The following GLYR1 variants were observed in gnomAD, a reference collection of about 807,000 sequenced individuals.
The protein encoded by GLYR1 is glyoxylate reductase 1 homolog.
GLYR1 carries 21 observed loss-of-function variants against 72.7 expected under a neutral mutation model. The observed-to-expected ratio is 0.29, with a 90% CI of 0.20 to 0.42. The LOEUF (loss-of-function observed/expected upper bound fraction) is 0.42. Among genes scored for constraint, GLYR1 ranks in the 10% least tolerant of loss-of-function variants. The pLI, the probability that GLYR1 is intolerant of heterozygous loss-of-function variation, is 1.00. For missense variants in GLYR1, 594 were observed against 712.1 expected (o/e 0.83, Z 1.89); for synonymous variants, 392 against 270.2 (o/e 1.45, Z -4.42).
At chr16:4,844,080 C>G (rs1464194494) in intron 3 of GLYR1, among the ~76,000 whole-genome samples, 2 of 146,376 alleles carry the variant, frequency 1.4e-5, no homozygotes, top group East Asian at 2.0e-4. Flanking sequence ...TGCCACTGCA[C>G]TCCAGCCTGG....
chr16:4,839,108 A>C (rs1390016460), intron 3 of GLYR1: 1 of 152,436 alleles, frequency 6.6e-6, no homozygotes, highest in Admixed American at 6.5e-5. Context: ...GAAGCCGTGA[A>C]GCTAAGAGAA....
intron 5 of GLYR1, among the ~76,000 whole-genome samples, chr16:4,828,419 C>A (rs554822589): frequency 6.6e-6 from 1 of 152,222 alleles, no homozygotes; most frequent in South Asian, 2.1e-4. Context: ...ACTTAATAGA[C>A]TACAGTATAA....
At position 4,813,754 on chromosome 16, in the gene GLYR1, C is replaced by T. The variant is rs200059061; in HGVS notation, c.1102G>A (p.Val368Ile). 3.4e-5 allele frequency: 54 copies of T among 1,607,312 alleles called. No homozygotes were observed. Among genetic ancestry groups the T allele is most frequent in the Non-Finnish European group, 4.2e-5 (49 of 1,176,976 alleles). The change falls in exon 12 of 16, where the codon GTC becomes ATC. Residue 368 changes from valine (V) to isoleucine (I), a missense_variant. Transcript: ENST00000321919. Reference sequence around the variant, plus strand: ...GCTGCTACCTGGGCCAGCTCAGTGACGGTGTCAGCGTCCACTGTTGACATG... The same window carrying T: ...GCTGCTACCTGGGCCAGCTCAGTGATGGTGTCAGCGTCCACTGTTGACATG... ...VDMSTVDADT[V>I]TELAQVIVSR...
In GLYR1 at chr16:4,811,963, G is replaced by A. The variant is rs1452729556; in HGVS notation, c.1282+123C>T. The A allele has an allele frequency of 4.9e-6, 7 of 1,441,830 alleles. No individual in the cohort carries two copies. The Admixed American group carries it at 1.5e-4, about 31-fold the overall frequency. 89.3% of individuals were successfully genotyped at this position (1,441,830 alleles called of 1,614,324 possible). ...CCTCCTTCCACGCACTGACTATGCAGGTGAAAGGAAACCTTCCCCAGGGTC... is the reference window on the plus strand; with the variant it reads ...CCTCCTTCCACGCACTGACTATGCAAGTGAAAGGAAACCTTCCCCAGGGTC... On this transcript the variant is annotated intron_variant, in intron 13 of 15. Coordinates refer to ENST00000321919, the MANE Select transcript of GLYR1 (RefSeq NM_032569.4).
chr16:4,805,212 G>A lies in GLYR1; in HGVS notation c.*24C>T, dbSNP rs748031411. 6.2e-7 allele frequency: 1 copy of A among 1,608,128 alleles called. No individual in the cohort carries two copies. The highest frequency in any genetic ancestry group is 8.5e-7 in the Non-Finnish European group (1 of 1,175,104). On this transcript the variant is annotated 3_prime_UTR_variant, in exon 16 of 16. Transcript: ENST00000321919. ...GAGGGGGTCAGAGGGGGGATTGGAG[G>A]GGTGAGGGCGGGGTGTCGACAGCTT...
chr16:4,835,561 T>C (rs1358260722), intron 3 of GLYR1, among the ~76,000 whole-genome samples: 2 of 152,210 alleles, frequency 1.3e-5, no homozygotes, highest in Non-Finnish European at 2.9e-5. Context: ...CTGGGCACGG[T>C]GGCTCACACC....
chr16:4,833,483 C>G (rs1319283603), intron 3 of GLYR1, among the ~76,000 whole-genome samples: 1 of 152,028 alleles, frequency 6.6e-6, no homozygotes, highest in Non-Finnish European at 1.5e-5. Context: ...ATTTGTGGTT[C>G]CTATGGATAT....
At chr16:4,824,371 G>A (rs2084241660) in intron 5 of GLYR1, among the ~76,000 whole-genome samples, 1 of 151,712 alleles carries the variant, frequency 6.6e-6, no homozygotes, top group Non-Finnish European at 1.5e-5. Context: ...AAAATTAGCT[G>A]CACCTGTACT....
At chr16:4,823,573 ATAGG>A (rs1567720109) in intron 6 of GLYR1, among the ~76,000 whole-genome samples, 2 of 152,196 alleles carry the variant, frequency 1.3e-5, no homozygotes, top group Admixed American at 6.5e-5. Flanking sequence ...AAAACTAGAC[ATAGG>A]TCTATAATCA....
rs1384063544 is a variant in GLYR1, at chr16:4,805,043, A to T, written c.*193T>A. On this transcript the variant is annotated 3_prime_UTR_variant, in exon 16 of 16. Transcript: ENST00000321919. ...TTTCCCACACGCCAATCCTGCTGACACTTGTCCCCTCCCCACCGGCCTCAG... is the reference window on the plus strand; with the variant it reads ...TTTCCCACACGCCAATCCTGCTGACTCTTGTCCCCTCCCCACCGGCCTCAG... 8.2e-6 allele frequency: 5 copies of T among 610,288 alleles called. No individual in the cohort carries two copies. Among genetic ancestry groups the T allele is most frequent in the Non-Finnish European group, 3.0e-6 (1 of 338,976 alleles). The allele number at this position is 610,288 out of a possible 1,614,324, so 37.8% of individuals were successfully genotyped here. A position where few individuals can be genotyped will look rare whatever the true frequency, so the allele number is the denominator to read the frequency against.
In GLYR1 at chr16:4,809,210, G is replaced by A. The variant is rs549694400; in HGVS notation, c.1587+1960C>T. On this transcript the variant is annotated intron_variant, in intron 15 of 15. Coordinates refer to ENST00000321919, the MANE Select transcript of GLYR1 (RefSeq NM_032569.4). ...TTCGTTTTTTTTTTTTTTTTTTTGC[G>A]ATGGAGTCTCACTCTGTTGCCCAGG... Among the ~76,000 whole-genome samples, 572 of 115,106 alleles carry A rather than the reference G, an allele frequency of 5.0e-3. 2 individuals are homozygous for A. Among genetic ancestry groups the A allele is most frequent in the African/African-American group, 0.019 (543 of 28,004 alleles). 75.5% of individuals were successfully genotyped at this position (115,106 alleles called of 152,430 possible).
At chr16:4,808,103 G>T (rs1006840627) in intron 15 of GLYR1, among the ~76,000 whole-genome samples, 6 of 152,118 alleles carry the variant, frequency 3.9e-5, no homozygotes, top group African/African-American at 1.4e-4. Context: ...AAGTGTGGCG[G>T]TGCATGCCTG....
At chr16:4,814,976 A>G (rs531069928) in intron 10 of GLYR1, among the ~76,000 whole-genome samples, 6 of 152,212 alleles carry the variant, frequency 3.9e-5, no homozygotes, top group Non-Finnish European at 8.8e-5. Context: ...GCCCTGAGCT[A>G]TCAACACTCT....
intron 5 of GLYR1, among the ~76,000 whole-genome samples, chr16:4,824,935 G>A (rs149116252): frequency 4.6e-5 from 7 of 152,234 alleles, no homozygotes; most frequent in Admixed American, 2.6e-4. Flanking sequence ...CTACTAGGCC[G>A]ATATCTTTAG....
chr16:4,826,170 C>T (rs1035098301), intron 5 of GLYR1, among the ~76,000 whole-genome samples: 1 of 152,120 alleles, frequency 6.6e-6, no homozygotes, highest in Non-Finnish European at 1.5e-5. Flanking sequence ...ACCTCAGCCT[C>T]CTGGGTAGCT....
rs988422196 is a variant in GLYR1 at position 4,817,819 on chromosome 16, A to G, written c.807-122T>C. On this transcript the variant is annotated intron_variant, in intron 9 of 15. Transcript: ENST00000321919. ...GGGGTAGGGGAATTCAGACTGCCAG[A>G]AACAGCAGTGGCCAATCTACCTGCA... 6 of 688,538 alleles carry G rather than the reference A, an allele frequency of 8.7e-6. No individual in the cohort carries two copies. In the African/African-American group the frequency reaches 8.8e-5, roughly 10 times the overall value. 42.7% of individuals were successfully genotyped at this position (688,538 alleles called of 1,614,324 possible). A position where few individuals can be genotyped will look rare whatever the true frequency, so the allele number is the denominator to read the frequency against.
In GLYR1 at chr16:4,823,909, TATAG is replaced by T. The variant is rs1481785480; in HGVS notation, c.538-6_538-3del. The T allele has an allele frequency of 3.1e-6, 5 of 1,612,584 alleles. No homozygotes were observed. Among genetic ancestry groups the T allele is most frequent in the Non-Finnish European group, 4.2e-6 (5 of 1,178,860 alleles). ...ACTAGACTCCGGGATGGTGAGATCC[TATAG>T]AGGGAGGGGCAGGGCATTTTAAAAT... On this transcript the variant is annotated splice_polypyrimidine_tract_variant and splice_region_variant and intron_variant, in intron 5 of 15. Coordinates refer to ENST00000321919, the MANE Select transcript of GLYR1 (RefSeq NM_032569.4).
Position 4,832,714 on chromosome 16 carries a change from A to G in GLYR1, c.294+60T>C. On this transcript the variant is annotated intron_variant, in intron 4 of 15. Coordinates refer to ENST00000321919, the MANE Select transcript of GLYR1 (RefSeq NM_032569.4). The stretch of plus-strand genomic sequence containing the variant: ...GCGTTTGGGTGACATTTAATCTGTT[A>G]GTTGCTATGCAAAAATCACCAGTCT... 4 of 1,531,792 alleles carry G rather than the reference A, an allele frequency of 2.6e-6. No homozygotes were observed. The South Asian group carries it at 3.8e-5, about 14-fold the overall frequency. The allele number at this position is 1,531,792 out of a possible 1,614,324, so 94.9% of individuals were successfully genotyped here.
At chr16:4,809,284 A>G (rs1430217778) in intron 15 of GLYR1, among the ~76,000 whole-genome samples, 1 of 138,018 alleles carries the variant, frequency 7.2e-6, no homozygotes, top group Non-Finnish European at 1.5e-5. Context: ...CCCGCCTCCC[A>G]GGTTCAAGCA....
Sources: gnomAD v4.1 joint callset for allele counts (sites outside exome capture counted in the v4.1 genomes callset) on GRCh38, gnomAD v4.1.1 for gene constraint, MANE v1.5 for transcripts, NCBI Gene and HGNC (gene_info 2026-07-23, HGNC 2026-07-21) for gene names.